TANGO6: variants seen among roughly 807,000 people sequenced by gnomAD.
TANGO6 encodes transport and Golgi organization protein 6 homolog.
Under a neutral mutation model 114.2 loss-of-function variants are expected in TANGO6, and 90 were observed. The ratio of observed to expected loss-of-function variants is 0.79; its 90% CI spans 0.66 to 0.94. The LOEUF is 0.94. Ranked by LOEUF, TANGO6 falls within the 40% of genes least tolerant of loss-of-function variation. The pLI is 0.00. For synonymous variants in TANGO6, 477 were observed against 509.8 expected, an observed-to-expected ratio of 0.94 and a Z score of 0.87; for missense variants, 1,274 against 1,315.3, an observed-to-expected ratio of 0.97 and a Z score of 0.49.
chr16:68,875,604 T>A (rs1267974440), intron 5 of TANGO6, among the ~76,000 whole-genome samples: 3 of 151,674 alleles, frequency 2.0e-5, no homozygotes, highest in Non-Finnish European at 4.4e-5. Flanking sequence ...CCGTCTCTAC[T>A]AAAAAAAATA....
chr16:68,962,805 G>A (rs1454725427), intron 14 of TANGO6, among the ~76,000 whole-genome samples: 3 of 151,806 alleles, frequency 2.0e-5, no homozygotes, highest in Non-Finnish European at 2.9e-5. Context: ...AAAGCGGCCG[G>A]GCGCGGTGGC....
chr16:69,064,002 A>C (rs560873647), intron 17 of TANGO6, among the ~76,000 whole-genome samples: 3 of 151,804 alleles, frequency 2.0e-5, no homozygotes. Flanking sequence ...ACGCGTGGCT[A>C]ATTTTTGTGT....
intron 14 of TANGO6, among the ~76,000 whole-genome samples, chr16:68,954,415 G>A (rs1963505894): frequency 6.6e-6 from 1 of 152,098 alleles, no homozygotes. Context: ...TGGGTTTGGA[G>A]CACCAGGCAA....
At chr16:68,905,082 C>T (rs961917266) in intron 9 of TANGO6, among the ~76,000 whole-genome samples, 1 of 151,742 alleles carries the variant, frequency 6.6e-6, no homozygotes, top group East Asian at 1.9e-4. Context: ...ATTAGCCGGG[C>T]GTGGTGGCAT....
rs1159884734 is a variant in TANGO6 at position 68,974,086 on chromosome 16, A to G, written c.2760A>G (p.Gln920=). 2.5e-6 allele frequency: 4 copies of G among 1,613,810 alleles called. No individual in the cohort carries two copies. The South Asian group carries it at 3.3e-5, about 13-fold the overall frequency. The change falls in exon 15 of 18, where the codon CAA becomes CAG. Residue 920 remains glutamine (Q), a synonymous_variant. Transcript: ENST00000261778. The part of the protein sequence containing the change: ...PEKILPDLLA[Q]YDSSKDKHTP... ...AAATCTTGCCGGACTTGTTGGCTCAATATGACAGCAGCAAAGACAAGCACA... is the reference window on the plus strand; with the variant it reads ...AAATCTTGCCGGACTTGTTGGCTCAGTATGACAGCAGCAAAGACAAGCACA...
chr16:69,084,352 C>G lies in TANGO6; in HGVS notation c.*691C>G, dbSNP rs1251720240. ...TAAGCCCTGTATTTATCCTCCCAGG[C>G]CATTCTTCTTCACTCCTGCTGCTGT... On this transcript the variant is annotated 3_prime_UTR_variant, in exon 18 of 18. Coordinates refer to ENST00000261778, the MANE Select transcript of TANGO6 (RefSeq NM_024562.2). The G allele has an allele frequency of 6.6e-6, 1 of 152,320 alleles. No homozygotes were observed. Among genetic ancestry groups the G allele is most frequent in the Non-Finnish European group, 1.5e-5 (1 of 68,048 alleles). The allele number at this position is 152,320 out of a possible 1,614,324, so 9.4% of individuals were successfully genotyped here.
At chr16:69,053,942 G>A (rs1339410881) in intron 17 of TANGO6, among the ~76,000 whole-genome samples, 1 of 152,126 alleles carries the variant, frequency 6.6e-6, no homozygotes, top group Non-Finnish European at 1.5e-5. Flanking sequence ...GCAGGGGCCT[G>A]TAATCCCAGC....
At chr16:69,076,360 A>T (rs1960379553) in intron 17 of TANGO6, among the ~76,000 whole-genome samples, 1 of 150,508 alleles carries the variant, frequency 6.6e-6, no homozygotes, top group Non-Finnish European at 1.5e-5. Context: ...CCAAAATGCT[A>T]GGATTACATG....
intron 16 of TANGO6, among the ~76,000 whole-genome samples, chr16:69,025,662 T>C (rs900404358): frequency 1.3e-5 from 2 of 152,196 alleles, no homozygotes; most frequent in African/African-American, 4.8e-5. Flanking sequence ...TTAAACTGCC[T>C]TCAGCTTGGA....
intron 1 of TANGO6, among the ~76,000 whole-genome samples, chr16:68,856,031 A>G (rs1193454428): frequency 6.6e-6 from 1 of 152,156 alleles, no homozygotes; most frequent in African/African-American, 2.4e-5. Flanking sequence ...TGTTTTATAG[A>G]GTCCTTAGGG....
intron 16 of TANGO6, among the ~76,000 whole-genome samples, chr16:69,025,093 C>G (rs1959477149): frequency 6.6e-6 from 1 of 152,212 alleles, no homozygotes. Flanking sequence ...TTGGATTTTT[C>G]TTCTCAGTCA....
intron 1 of TANGO6, among the ~76,000 whole-genome samples, chr16:68,851,544 A>G (rs952466748): frequency 6.6e-6 from 1 of 152,180 alleles, no homozygotes; most frequent in East Asian, 1.9e-4. Flanking sequence ...ATAGCTGCAT[A>G]GTTTATTCAA....
chr16:69,022,266 G>A (rs1276715946), intron 15 of TANGO6, among the ~76,000 whole-genome samples: 1 of 152,080 alleles, frequency 6.6e-6, no homozygotes, highest in East Asian at 1.9e-4. Context: ...ATCTTCACAT[G>A]TTTTATCTCT....
intron 15 of TANGO6, among the ~76,000 whole-genome samples, chr16:69,015,049 T>A (rs1481707606): frequency 6.6e-6 from 1 of 152,188 alleles, no homozygotes; most frequent in Non-Finnish European, 1.5e-5. Flanking sequence ...AACTCCCACC[T>A]GGAGACTAGG....
At chr16:68,859,117 C>T (rs1432680786) in intron 1 of TANGO6, among the ~76,000 whole-genome samples, 2 of 152,164 alleles carry the variant, frequency 1.3e-5, no homozygotes, top group African/African-American at 4.8e-5. Context: ...TTGTGATCTT[C>T]CTCACTAGAA....
intron 1 of TANGO6, among the ~76,000 whole-genome samples, chr16:68,858,871 G>A (rs752265048): frequency 4.8e-4 from 73 of 152,080 alleles, no homozygotes; most frequent in Non-Finnish European, 8.1e-4. Flanking sequence ...GATGTTTTTC[G>A]TTAGCATTCA....
At chr16:69,035,129 A>G (rs1001535120) in intron 16 of TANGO6, 2 of 152,116 alleles carry the variant, frequency 1.3e-5, no homozygotes, top group Admixed American at 6.5e-5. Context: ...GATCCCACGG[A>G]ATGACCTGAA....
At chr16:68,899,608 C>CT (rs907768525) in intron 7 of TANGO6, among the ~76,000 whole-genome samples, 38 of 149,448 alleles carry the variant, frequency 2.5e-4, no homozygotes, top group African/African-American at 7.1e-4. Flanking sequence ...AATTACTTTT[C>CT]TTTTTTTTTG....
At chr16:68,969,448 T>A (rs559248502) in intron 14 of TANGO6, among the ~76,000 whole-genome samples, 1 of 152,236 alleles carries the variant, frequency 6.6e-6, no homozygotes, top group South Asian at 2.1e-4. Context: ...GGGGAACTGC[T>A]GTTATTCTCC....
Sources: gnomAD v4.1 joint callset for allele counts (sites outside exome capture counted in the v4.1 genomes callset) on GRCh38, gnomAD v4.1.1 for gene constraint, MANE v1.5 for transcripts, NCBI Gene and HGNC (gene_info 2026-07-23, HGNC 2026-07-21) for gene names.